The following MYO5B variants were observed in gnomAD, a reference collection of about 807,000 sequenced individuals.
The protein encoded by MYO5B is unconventional myosin-Vb.
In MYO5B, 143 loss-of-function variants were observed where a neutral mutation model predicts 229.3. That is an observed-to-expected ratio of 0.62 (90% CI 0.54 to 0.72). The LOEUF (loss-of-function observed/expected upper bound fraction) is 0.72, where lower values mean the gene tolerates loss of function less well. Ranked by LOEUF, MYO5B falls within the 30% of genes least tolerant of loss-of-function variation. The pLI is 0.00. For missense variants in MYO5B, 2,321 were observed against 2,331.0 expected (o/e 1.00, Z 0.09); for synonymous variants, 918 against 885.2 (o/e 1.04, Z -0.66).
At chr18:50,039,919 C>T (rs966858472) in intron 3 of MYO5B, among the ~76,000 whole-genome samples, 4 of 152,056 alleles carry the variant, frequency 2.6e-5, no homozygotes, top group Non-Finnish European at 4.4e-5. Context: ...ATGGTGTGAC[C>T]CATTTCTTCC....
chr18:50,029,467 T>C (rs2026365789), intron 4 of MYO5B, among the ~76,000 whole-genome samples: 1 of 152,238 alleles, frequency 6.6e-6, no homozygotes, highest in African/African-American at 2.4e-5. Flanking sequence ...TAACCCTGAC[T>C]TGAAATTATA....
At chr18:49,847,036 G>A (rs1315378919) in intron 33 of MYO5B, 110 bp downstream of exon 33, 1 of 1,391,522 alleles carries the variant, frequency 7.2e-7, no homozygotes, top group Non-Finnish European at 1.0e-6. Context: ...CAGAGGGTGG[G>A]GGCTGTGCAG....
At chr18:50,152,099 A>G (rs545501367) in intron 1 of MYO5B, among the ~76,000 whole-genome samples, 8 of 152,312 alleles carry the variant, frequency 5.3e-5, no homozygotes, top group South Asian at 2.1e-4. Context: ...CTGGACCACA[A>G]TTCCTCAGCC....
chr18:50,048,813 A>C lies in MYO5B; in HGVS notation c.138+6455T>G, dbSNP rs527237194. ...AGAGGCTGGCAGATCACCTGAGCTCAGGAGTTCGAGATCAGCCTGGCCAAT... is the reference window on the plus strand; with the variant it reads ...AGAGGCTGGCAGATCACCTGAGCTCCGGAGTTCGAGATCAGCCTGGCCAAT... On this transcript the variant is annotated intron_variant, in intron 2 of 39. Coordinates refer to ENST00000285039, the MANE Select transcript of MYO5B (RefSeq NM_001080467.3). Among the ~76,000 whole-genome samples the C allele has an allele frequency of 2.6e-5, 4 of 152,306 alleles. No homozygotes were observed. The East Asian group carries it at 7.7e-4, about 29-fold the overall frequency.
rs3826580 is a variant in MYO5B, at chr18:49,872,134, T to C, written c.3603+33A>G. Reference sequence around the variant, plus strand: ...TGTCATCTGCCCTCTGCCAGGGGAGTGTTCCAGGAAGCCTGTCCCCCAAGA... The same window carrying C: ...TGTCATCTGCCCTCTGCCAGGGGAGCGTTCCAGGAAGCCTGTCCCCCAAGA... On this transcript the variant is annotated intron_variant, in intron 27 of 39. Transcript: ENST00000285039. 0.22 allele frequency: 351,173 copies of C among 1,602,362 alleles called. 40,950 individuals are homozygous for C. Among genetic ancestry groups the C allele is most frequent in the East Asian group, 0.39 (17,345 of 44,752 alleles).
chr18:50,043,216 G>T (rs1053268546), intron 2 of MYO5B, among the ~76,000 whole-genome samples: 1 of 140,800 alleles, frequency 7.1e-6, no homozygotes, highest in Admixed American at 7.6e-5. Context: ...AGAAATTGTG[G>T]TGTGTGTGTA....
chr18:50,043,635 TTAAATATATTTATAAATATG>T (rs2030133695), intron 2 of MYO5B, among the ~76,000 whole-genome samples: 1 of 135,872 alleles, frequency 7.4e-6, no homozygotes, highest in Non-Finnish European at 1.5e-5. Context: ...TATAAATATA[TTAAATATATTTATAAATATG>T]TAAATATATA....
At chr18:49,838,874 A>T (rs2024022194) in intron 36 of MYO5B, among the ~76,000 whole-genome samples, 1 of 152,222 alleles carries the variant, frequency 6.6e-6, no homozygotes, top group Non-Finnish European at 1.5e-5. Context: ...GTTTACATTT[A>T]TTATGTATTA....
chr18:49,879,435 C>T (rs924935734), intron 23 of MYO5B: 1 of 379,404 alleles, frequency 2.6e-6, no homozygotes, highest in African/African-American at 2.1e-5. Context: ...TTATTCCACA[C>T]TCCTTTCCTA....
At chr18:50,055,867 G>A (rs1472289609) in intron 1 of MYO5B, among the ~76,000 whole-genome samples, 2 of 152,300 alleles carry the variant, frequency 1.3e-5, no homozygotes, top group Non-Finnish European at 2.9e-5. Flanking sequence ...GTCGGCAAAT[G>A]GAAAGTGTAT....
chr18:50,168,019 G>T (rs2032877534), intron 1 of MYO5B, among the ~76,000 whole-genome samples: 1 of 152,172 alleles, frequency 6.6e-6, no homozygotes, highest in African/African-American at 2.4e-5. Flanking sequence ...ACATAGGGCA[G>T]GTTCTATGAT....
At chr18:50,189,977 C>G (rs999689612) in intron 1 of MYO5B, among the ~76,000 whole-genome samples, 47 of 152,140 alleles carry the variant, frequency 3.1e-4, no homozygotes, top group Non-Finnish European at 2.9e-4. Flanking sequence ...AGTAACCTCC[C>G]AGCAGCACTC....
At chr18:49,827,643 T>C (rs1161436648) in intron 39 of MYO5B, among the ~76,000 whole-genome samples, 1 of 151,598 alleles carries the variant, frequency 6.6e-6, no homozygotes, top group Non-Finnish European at 1.5e-5. Flanking sequence ...AAAATAAAAA[T>C]AATGAGGTAA....
chr18:50,093,757 C>T (rs925676574), intron 1 of MYO5B, among the ~76,000 whole-genome samples: 8 of 149,600 alleles, frequency 5.3e-5, no homozygotes, highest in African/African-American at 7.4e-5. Context: ...AATTATACTG[C>T]GTTAATATGC....
chr18:49,988,521 T>C (rs530440334), intron 7 of MYO5B, among the ~76,000 whole-genome samples: 76 of 152,346 alleles, frequency 5.0e-4, no homozygotes, highest in Middle Eastern at 3.4e-3. Context: ...ATATGACTCA[T>C]GTAACTGAAA....
chr18:50,027,173 CT>C (rs2026340120), intron 4 of MYO5B, among the ~76,000 whole-genome samples: 1 of 152,152 alleles, frequency 6.6e-6, no homozygotes, highest in African/African-American at 2.4e-5. Context: ...ATTCTATTAG[CT>C]TTTTTTAAAT....
At chr18:50,078,705 C>T (rs943807429) in intron 1 of MYO5B, among the ~76,000 whole-genome samples, 1 of 152,140 alleles carries the variant, frequency 6.6e-6, no homozygotes, top group Non-Finnish European at 1.5e-5. Context: ...GCATAAGACC[C>T]ACCACACCCA....
intron 12 of MYO5B, among the ~76,000 whole-genome samples, chr18:49,959,643 G>A (rs1050033714): frequency 9.8e-5 from 15 of 152,320 alleles, no homozygotes; most frequent in Middle Eastern, 3.4e-3. Flanking sequence ...CAGACCTGCC[G>A]TTGATTGCTC....
chr18:50,179,408 T>C (rs1217360821), intron 1 of MYO5B, among the ~76,000 whole-genome samples: 1 of 152,220 alleles, frequency 6.6e-6, no homozygotes, highest in African/African-American at 2.4e-5. Flanking sequence ...GGGAAGTTCC[T>C]TCATCTGAAG....
Sources: gnomAD v4.1 joint callset for allele counts (sites outside exome capture counted in the v4.1 genomes callset) on GRCh38, gnomAD v4.1.1 for gene constraint, MANE v1.5 for transcripts, NCBI Gene and HGNC (gene_info 2026-07-23, HGNC 2026-07-21) for gene names.